Variants in FLI1 observed in about 807,000 individuals in gnomAD.
FLI1 encodes the protein Friend leukemia integration 1 transcription factor.
Under a neutral mutation model 53.1 loss-of-function variants are expected in FLI1, and 13 were observed. The ratio of observed to expected loss-of-function variants is 0.24; its 90% CI spans 0.16 to 0.39. The LOEUF is 0.39. Ranked by LOEUF, FLI1 falls within the 10% of genes least tolerant of loss-of-function variation. The pLI is 1.00. For missense variants in FLI1, 424 were observed against 600.5 expected (o/e 0.71, Z 3.07); for synonymous variants, 244 against 236.7 (o/e 1.03, Z -0.28).
intron 5 of FLI1, among the ~76,000 whole-genome samples, chr11:128,792,362 G>C (rs910410192): frequency 2.6e-5 from 4 of 152,204 alleles, no homozygotes; most frequent in Admixed American, 2.6e-4. Flanking sequence ...AAAATCAGGA[G>C]CCTGACCCAG....
chr11:128,758,139 G>A lies in FLI1; in HGVS notation c.43G>A (p.Asp15Asn), dbSNP rs778299772. ...GGAGGCTCTGTCGGTGGTGAGCGAC[G>A]ACCAGTCCCTCTTTGACTCAGCGTA... ...IKEALSVVSD[D>N]QSLFDSAYGA... is the part of the protein sequence containing the mutation. The change falls in exon 2 of 9, where the codon GAC becomes AAC. Residue 15 changes from aspartate (D) to asparagine (N), a missense_variant. By Grantham distance (23) the Asp-to-Asn change is conservative. This residue lies in a region of FLI1 where 137 missense variants were observed against 169.1 expected (regional missense o/e 0.81). Transcript: ENST00000527786. 9.3e-6 allele frequency: 15 copies of A among 1,612,876 alleles called. No individual in the cohort carries two copies. Among genetic ancestry groups the A allele is most frequent in the African/African-American group, 1.3e-5 (1 of 74,840 alleles).
At position 128,782,042 on chromosome 11, in the gene FLI1, G is replaced by T; in HGVS notation, c.655+19G>T. On this transcript the variant is annotated intron_variant, in intron 5 of 8. Transcript: ENST00000527786. The stretch of plus-strand genomic sequence containing the variant: ...AAAGAAGGTAAGTTTGTTCTTTTGT[G>T]CACTTAAAATTTTCTTCTGTACCAG... 6.2e-7 allele frequency: 1 copy of T among 1,606,556 alleles called. No individual in the cohort carries two copies. Among genetic ancestry groups the T allele is most frequent in the Non-Finnish European group, 8.5e-7 (1 of 1,173,234 alleles).
intron 5 of FLI1, among the ~76,000 whole-genome samples, chr11:128,788,925 A>T (rs1377892244): frequency 6.6e-6 from 1 of 152,170 alleles, no homozygotes; most frequent in African/African-American, 2.4e-5. Flanking sequence ...AGTCAAACAG[A>T]GAGACAGACA....
chr11:128,790,941 G>A (rs1184006983), intron 5 of FLI1, among the ~76,000 whole-genome samples: 1 of 152,036 alleles, frequency 6.6e-6, no homozygotes, highest in Non-Finnish European at 1.5e-5. Context: ...TGCAGGCCAC[G>A]GGCACAACTA....
At chr11:128,742,802 G>A (rs984641954) in intron 1 of FLI1, among the ~76,000 whole-genome samples, 5 of 152,238 alleles carry the variant, frequency 3.3e-5, no homozygotes, top group Admixed American at 3.3e-4. Context: ...TTTTAAGATT[G>A]ATGCTGACGA....
At chr11:128,723,981 C>A (rs373825012) in intron 1 of FLI1, among the ~76,000 whole-genome samples, 1 of 112,846 alleles carries the variant, frequency 8.9e-6, no homozygotes, top group South Asian at 3.2e-4. Flanking sequence ...TCACTCTTGT[C>A]GCTCAGGCTG....
At chr11:128,708,311 A>G (rs7118827) in intron 1 of FLI1, among the ~76,000 whole-genome samples, 419 of 152,336 alleles carry the variant, frequency 2.8e-3, no homozygotes, top group African/African-American at 9.8e-3. Context: ...GGCATTTTCC[A>G]TATGCTAACA....
intron 1 of FLI1, among the ~76,000 whole-genome samples, chr11:128,698,814 A>G (rs1938201148): frequency 6.6e-6 from 1 of 152,154 alleles, no homozygotes; most frequent in South Asian, 2.1e-4. Context: ...CACCTCTGGT[A>G]TTTAATGAAA....
chr11:128,696,216 C>A (rs552924914), intron 1 of FLI1, among the ~76,000 whole-genome samples: 12 of 152,254 alleles, frequency 7.9e-5, no homozygotes, highest in Non-Finnish European at 1.5e-4. Context: ...TCCTCCAAAC[C>A]CTCCCTGTGA....
chr11:128,689,465 G>T (rs1937652417), upstream of FLI1, among the ~76,000 whole-genome samples: 1 of 152,164 alleles, frequency 6.6e-6, no homozygotes, highest in Non-Finnish European at 1.5e-5. Context: ...TTGGGCCCAG[G>T]CTGCATTCTG....
intron 1 of FLI1, among the ~76,000 whole-genome samples, chr11:128,755,443 CACTT>C (rs1380256457): frequency 6.6e-6 from 1 of 152,206 alleles, no homozygotes; most frequent in Admixed American, 6.6e-5. Flanking sequence ...CACCAAAAGA[CACTT>C]AGGGGTCATA....
intron 1 of FLI1, among the ~76,000 whole-genome samples, chr11:128,706,068 T>C (rs955326090): frequency 6.6e-6 from 1 of 152,180 alleles, no homozygotes; most frequent in African/African-American, 2.4e-5. Flanking sequence ...CATACACGCA[T>C]ACACCTTCAA....
At chr11:128,705,437 C>A (rs73571670) in intron 1 of FLI1, among the ~76,000 whole-genome samples, 2 of 152,172 alleles carry the variant, frequency 1.3e-5, no homozygotes, top group South Asian at 4.1e-4. Context: ...CTCCTCTACC[C>A]TTGTACCTTC....
intron 1 of FLI1, among the ~76,000 whole-genome samples, chr11:128,703,345 A>G (rs143262152): frequency 1.3e-5 from 2 of 152,338 alleles, no homozygotes; most frequent in Admixed American, 6.5e-5. Context: ...AGATATATGT[A>G]CAATGTGTTT....
chr11:128,754,128 C>G (rs950118154), intron 1 of FLI1, among the ~76,000 whole-genome samples: 6 of 152,168 alleles, frequency 3.9e-5, no homozygotes, highest in Non-Finnish European at 1.5e-5. Flanking sequence ...GAACTCTTCT[C>G]CTTCATCTTC....
intron 4 of FLI1, among the ~76,000 whole-genome samples, chr11:128,777,489 T>C (rs1941770341): frequency 6.6e-6 from 1 of 152,174 alleles, no homozygotes; most frequent in Non-Finnish European, 1.5e-5. Context: ...CATTTTCTGG[T>C]CTTTCCACCT....
At chr11:128,696,845 T>C (rs544506978) in intron 1 of FLI1, among the ~76,000 whole-genome samples, 1 of 152,332 alleles carries the variant, frequency 6.6e-6, no homozygotes, top group South Asian at 2.1e-4. Context: ...TCTTGGCACT[T>C]AGGTGGTATT....
At chr11:128,782,088 G>C (rs910999612) in intron 5 of FLI1, 65 bp downstream of exon 5, 1 of 1,311,036 alleles carries the variant, frequency 7.6e-7, no homozygotes, top group Non-Finnish European at 1.1e-6. Flanking sequence ...GGCCCATGCT[G>C]TTAAGGTTGT....
intron 2 of FLI1, among the ~76,000 whole-genome samples, chr11:128,763,453 A>G (rs943313551): frequency 1.3e-5 from 2 of 152,216 alleles, no homozygotes; most frequent in African/African-American, 2.4e-5. Context: ...ATCCTGTCTC[A>G]ACCACAGGGA....
Sources: allele counts gnomAD v4.1 joint callset (sites outside exome capture counted in the v4.1 genomes callset), GRCh38; gene constraint gnomAD v4.1.1; regional missense constraint gnomAD v4.1.1; transcripts MANE v1.5; gene names NCBI Gene and HGNC (gene_info 2026-07-23, HGNC 2026-07-21).